HSD17B12: variants seen among roughly 807,000 people sequenced by gnomAD.
The protein encoded by HSD17B12 is very-long-chain 3-oxoacyl-CoA reductase.
A neutral mutation model predicts 39.3 loss-of-function variants in HSD17B12; 32 were observed. The ratio of observed to expected loss-of-function variants is 0.81; its 90% confidence interval spans 0.61 to 1.09. HSD17B12 has a LOEUF of 1.09. Ranked by LOEUF, HSD17B12 falls within the 50% of genes least tolerant of loss-of-function variation. HSD17B12 has a pLI of 0.00. For missense variants in HSD17B12, 342 were observed against 382.9 expected (o/e 0.89, Z 0.89); for synonymous variants, 150 against 146.7 (o/e 1.02, Z -0.16).
Position 43,690,357 on chromosome 11 carries a change from CATACATATATATATAT to C in HSD17B12, c.160+9374_160+9389del, listed in dbSNP as rs1565049458. Among the ~76,000 whole-genome samples, 135 of 74,064 alleles carry C rather than the reference CATACATATATATATAT, an allele frequency of 1.8e-3. 1 individual carries two copies. The highest frequency in any genetic ancestry group is 7.8e-3 in the African/African-American group (128 of 16,324). 48.6% of individuals were successfully genotyped at this position (74,064 alleles called of 152,430 possible). ...GGAAATATCTGTTAAGTAAGGTATT[CATACATATATATATAT>C]ATATATATATATATATATATATATA... On this transcript the variant is annotated intron_variant, in intron 1 of 10. Transcript: ENST00000278353.
intron 1 of HSD17B12, among the ~76,000 whole-genome samples, chr11:43,715,700 G>A (rs796189767): frequency 3.3e-5 from 5 of 152,266 alleles, no homozygotes; most frequent in African/African-American, 1.2e-4. Flanking sequence ...AGAAGGAATG[G>A]TACCAGCTTC....
chr11:43,833,212 G>A (rs1338618948), intron 7 of HSD17B12: 3 of 152,236 alleles, frequency 2.0e-5, no homozygotes, highest in Non-Finnish European at 2.9e-5. Context: ...GTTAGGAAAA[G>A]GAACGTCTAT....
the HSD17B12 span, among the ~76,000 whole-genome samples, chr11:43,594,699 A>C: frequency 6.6e-6 from 1 of 152,088 alleles, no homozygotes; most frequent in Non-Finnish European, 1.5e-5. Flanking sequence ...CTGTGTTTGC[A>C]TTAAAAATGC....
rs868230439 is a variant in HSD17B12 at position 43,738,345 on chromosome 11, G to A, written c.161-12566G>A. Among the ~76,000 whole-genome samples the A allele has an allele frequency of 3.2e-4, 48 of 152,132 alleles. 1 individual carries two copies. Among genetic ancestry groups the A allele is most frequent in the Admixed American group, 2.6e-4 (4 of 15,280 alleles). On this transcript the variant is annotated intron_variant, in intron 1 of 10. Coordinates refer to ENST00000278353, the MANE Select transcript of HSD17B12 (RefSeq NM_016142.3). ...TAGGTATTAAGCCCAGAGTCCATTA[G>A]CTATTCTTCCTGATACTTTCCCTCC...
chr11:43,562,250 C>T, the HSD17B12 span, among the ~76,000 whole-genome samples: 1 of 152,146 alleles, frequency 6.6e-6, no homozygotes, highest in Non-Finnish European at 1.5e-5. Flanking sequence ...TTCTCTTTCC[C>T]ATCTCACTCA....
At position 43,831,586 on chromosome 11, in the gene HSD17B12, G is replaced by A. The variant is rs904807010; in HGVS notation, c.536+576G>A. 6.6e-6 allele frequency: 1 copy of A among 152,180 alleles called. No individual in the cohort carries two copies. Among genetic ancestry groups the A allele is most frequent in the African/African-American group, 2.4e-5 (1 of 41,442 alleles). 9.4% of individuals were successfully genotyped at this position (152,180 alleles called of 1,614,324 possible). The stretch of plus-strand genomic sequence containing the variant: ...ATTGAGAAATATGTTGTAGATTTCT[G>A]TTATCTGAAATAGCATGAAGTGTAG... On this transcript the variant is annotated intron_variant, in intron 7 of 10. Transcript: ENST00000278353. This position sits in a 1 kb window ranked among gnomAD's most constrained non-coding sequence, Gnocchi z 4.1.
intron 9 of HSD17B12, among the ~76,000 whole-genome samples, chr11:43,842,284 T>G (rs1354862748): frequency 2.0e-5 from 3 of 152,056 alleles, no homozygotes; most frequent in Non-Finnish European, 4.4e-5. Flanking sequence ...TGGTGGGAGC[T>G]AAGTCACCTA....
chr11:43,653,628 C>T, the HSD17B12 span, among the ~76,000 whole-genome samples: 6 of 152,220 alleles, frequency 3.9e-5, no homozygotes, highest in East Asian at 9.7e-4. Flanking sequence ...TCTATTCCCA[C>T]CTATGAGTGA....
the HSD17B12 span, among the ~76,000 whole-genome samples, chr11:43,600,729 A>G: frequency 6.6e-6 from 1 of 152,040 alleles, no homozygotes; most frequent in South Asian, 2.1e-4. Flanking sequence ...ATTTATATGT[A>G]AAATATAAAT....
chr11:43,771,055 G>A (rs1021914586), intron 3 of HSD17B12, among the ~76,000 whole-genome samples: 3 of 152,186 alleles, frequency 2.0e-5, no homozygotes, highest in African/African-American at 7.2e-5. Flanking sequence ...AGTGATTAGA[G>A]AGGGAGAGAA....
chr11:43,593,816 T>A, the HSD17B12 span, among the ~76,000 whole-genome samples: 1 of 151,688 alleles, frequency 6.6e-6, no homozygotes, highest in Admixed American at 6.6e-5. Context: ...AAAGAAAAAA[T>A]CTGACTATGG....
intron 1 of HSD17B12, among the ~76,000 whole-genome samples, chr11:43,710,830 G>A (rs887777337): frequency 2.6e-4 from 40 of 152,146 alleles, no homozygotes; most frequent in African/African-American, 9.6e-4. Context: ...TTGCTCTGTT[G>A]CCCAGACTGG....
chr11:43,629,330 AT>A, the HSD17B12 span, among the ~76,000 whole-genome samples: 1 of 152,222 alleles, frequency 6.6e-6, no homozygotes, highest in African/African-American at 2.4e-5. Context: ...AGGACCTGCT[AT>A]TCAAATTGTA....
At chr11:43,643,972 C>T in the HSD17B12 span, among the ~76,000 whole-genome samples, 1 of 152,184 alleles carries the variant, frequency 6.6e-6, no homozygotes, top group Non-Finnish European at 1.5e-5. Flanking sequence ...AAATGTTTCT[C>T]TGTCAAGGAT....
chr11:43,730,424 G>A (rs1464999029), intron 1 of HSD17B12, among the ~76,000 whole-genome samples: 1 of 152,046 alleles, frequency 6.6e-6, no homozygotes, highest in Non-Finnish European at 1.5e-5. Context: ...CAGTCTGGGG[G>A]TTTACCAAAA....
At chr11:43,767,548 ATCT>A (rs1950606488) in intron 3 of HSD17B12, among the ~76,000 whole-genome samples, 1 of 152,218 alleles carries the variant, frequency 6.6e-6, no homozygotes, top group Non-Finnish European at 1.5e-5. Flanking sequence ...TGTTTTGATC[ATCT>A]TATTTTGCCA....
chr11:43,681,972 T>C (rs1371114831), intron 1 of HSD17B12, among the ~76,000 whole-genome samples: 1 of 152,182 alleles, frequency 6.6e-6, no homozygotes, highest in African/African-American at 2.4e-5. Context: ...TATTTTGATG[T>C]TTTATAATCG....
chr11:43,575,199 A>T, the HSD17B12 span, among the ~76,000 whole-genome samples: 3 of 152,198 alleles, frequency 2.0e-5, no homozygotes, highest in African/African-American at 7.2e-5. This position sits in a 1 kb window ranked among gnomAD's most constrained non-coding sequence, Gnocchi z 4.1. Context: ...AACTCGGATC[A>T]TTGCTCTCTG....
At chr11:43,760,343 C>T (rs1950545605) in intron 3 of HSD17B12, among the ~76,000 whole-genome samples, 1 of 152,168 alleles carries the variant, frequency 6.6e-6, no homozygotes, top group Non-Finnish European at 1.5e-5. Context: ...AGCCACTGCG[C>T]CCAGCCCACG....
Sources: gnomAD v4.1 joint callset for allele counts (sites outside exome capture counted in the v4.1 genomes callset) on GRCh38, gnomAD v4.1.1 for gene constraint, Gnocchi (gnomAD v3.1) non-coding constraint, MANE v1.5 for transcripts, NCBI Gene and HGNC (gene_info 2026-07-23, HGNC 2026-07-21) for gene names.